The following KIF2A variants were observed in gnomAD, a reference collection of about 807,000 sequenced individuals.
KIF2A encodes the protein kinesin family member 2A.
A neutral mutation model predicts 100.2 loss-of-function variants in KIF2A; 22 were observed. The ratio of observed to expected loss-of-function variants is 0.22; its 90% CI spans 0.16 to 0.31. The LOEUF (loss-of-function observed/expected upper bound fraction) is 0.31, where lower values mean the gene tolerates loss of function less well. KIF2A is among the 10% of genes least tolerant of loss of function. The probability of loss-of-function intolerance (pLI) is 1.00; values close to 1 mark genes in which losing one functional copy is unlikely to be tolerated. For synonymous variants in KIF2A, 268 were observed against 285.9 expected, an observed-to-expected ratio of 0.94 and a Z score of 0.63; for missense variants, 495 against 898.7, an observed-to-expected ratio of 0.55 and a Z score of 5.74.
rs141548628 is a variant in KIF2A, at chr5:62,373,761, T to C, written c.1835T>C (p.Ile612Thr). Reference protein sequence around the residue: ...RPIMHHPPNQIDDLETQWGVG... With the variant: ...RPIMHHPPNQTDDLETQWGVG... The stretch of plus-strand genomic sequence containing the variant: ...ATAATGCACCATCCACCAAACCAGA[T>C]TGATGACTTAGAGACACAGTGGGGT... Residue 612 changes from isoleucine to threonine, a missense_variant, in exon 18 of 21, where the codon ATT becomes ACT. By Grantham distance (89) the Ile-to-Thr change is moderately conservative. Around this residue, in one of 10 missense-constraint regions of KIF2A, gnomAD observed 100 missense variants for 138.2 expected, o/e 0.72. Transcript: ENST00000407818. 2.6e-5 allele frequency: 42 copies of C among 1,613,320 alleles called. No homozygotes were observed. In the Middle Eastern group the frequency reaches 6.6e-4, roughly 25 times the overall value.
chr5:62,310,771 G>A (rs543880559), intron 1 of KIF2A, among the ~76,000 whole-genome samples: 1 of 152,228 alleles, frequency 6.6e-6, no homozygotes, highest in African/African-American at 2.4e-5. Flanking sequence ...TCTTACATGT[G>A]TCTTCCTATT....
At chr5:62,321,712 A>C (rs1195184144) in intron 1 of KIF2A, among the ~76,000 whole-genome samples, 3 of 152,000 alleles carry the variant, frequency 2.0e-5, no homozygotes, top group African/African-American at 7.3e-5. Flanking sequence ...ACAGATGCAC[A>C]CCACATCCGG....
chr5:62,333,520 C>T (rs558511787), intron 1 of KIF2A, among the ~76,000 whole-genome samples: 1 of 152,244 alleles, frequency 6.6e-6, no homozygotes, highest in Non-Finnish European at 1.5e-5. Flanking sequence ...AGTGAGATCA[C>T]GCTGCAGAAG....
chr5:62,389,485 C>CAAAAAAAAAAAAAAAAAAAAAAA lies in KIF2A; in HGVS notation c.*3932_*3933insAAAAAAAAAAAAAAAAAAAAAAA, dbSNP rs775533413. Among the ~76,000 whole-genome samples the CAAAAAAAAAAAAAAAAAAAAAAA allele has an allele frequency of 5.8e-4, 44 of 75,894 alleles. 2 individuals are homozygous for CAAAAAAAAAAAAAAAAAAAAAAA. Among genetic ancestry groups the CAAAAAAAAAAAAAAAAAAAAAAA allele is most frequent in the African/African-American group, 2.3e-3 (40 of 17,532 alleles). The allele number at this position is 75,894 out of a possible 152,430, so 49.8% of individuals were successfully genotyped here. ...TGGGTGACAGAGCAAGACTCTGTCT[C>CAAAAAAAAAAAAAAAAAAAAAAA]AAAAAAAAAAAAAAAAGAAATGTTA... On this transcript the variant is annotated 3_prime_UTR_variant, in exon 21 of 21. Coordinates refer to ENST00000407818, the MANE Select transcript of KIF2A (RefSeq NM_001098511.3).
At chr5:62,369,666 G>A (rs982674599) in intron 16 of KIF2A, among the ~76,000 whole-genome samples, 1 of 132,052 alleles carries the variant, frequency 7.6e-6, no homozygotes, top group Admixed American at 7.7e-5. Flanking sequence ...GTGACCTTAA[G>A]AGTCAGTAAT....
At chr5:62,362,858 G>A (rs189229682) in intron 12 of KIF2A, among the ~76,000 whole-genome samples, 2 of 152,192 alleles carry the variant, frequency 1.3e-5, no homozygotes, top group Admixed American at 1.3e-4. Context: ...ACAGGATCTC[G>A]CTGTGTCACC....
At chr5:62,360,682 GTC>G in intron 9 of KIF2A, among the ~76,000 whole-genome samples, 1 of 150,984 alleles carries the variant, frequency 6.6e-6, no homozygotes, top group Middle Eastern at 3.4e-3. Context: ...ACGAGACTTC[GTC>G]TCAAAAAAAA....
intron 9 of KIF2A, among the ~76,000 whole-genome samples, chr5:62,358,529 C>CAT (rs1323926139): frequency 2.0e-5 from 3 of 152,144 alleles, no homozygotes; most frequent in African/African-American, 2.4e-5. Flanking sequence ...GCTTATTACA[C>CAT]ATATATATAC....
Position 62,306,514 on chromosome 5 carries a change from C to T in KIF2A, c.42C>T (p.Tyr14=). ...TCGGCAAGATCCAGATCGGGATTTA[C>T]GTGGAGATCAAGCGCAGCGATGGTG... The part of the protein sequence containing the change: ...ANFGKIQIGI[Y]VEIKRSDGRI... The change falls in exon 1 of 21, where the codon TAC becomes TAT. Residue 14 remains tyrosine, a synonymous_variant. Transcript: ENST00000407818. 2 of 1,546,082 alleles carry T rather than the reference C, an allele frequency of 1.3e-6. No homozygotes were observed. The highest frequency in any genetic ancestry group is 1.7e-6 in the Non-Finnish European group (2 of 1,144,910).
chr5:62,350,103 CT>C lies in KIF2A; in HGVS notation c.319del (p.Ser107GlnfsTer54). The C allele has an allele frequency of 6.3e-7, 1 of 1,586,554 alleles. No homozygotes were observed. Among genetic ancestry groups the C allele is most frequent in the Non-Finnish European group, 8.6e-7 (1 of 1,165,742 alleles). On this transcript the variant is annotated frameshift_variant, in exon 4 of 21. Transcript: ENST00000407818. LOFTEE classifies it high-confidence loss of function. ...GTAGCTTCTATTAAGAATGACCCTC[CT>C]TCAAGAGATAATAGAGGTAAAGTAA... ...RTVASIKNDP[P>X]SRDNRVVGSA...
chr5:62,373,605 G>A, intron 17 of KIF2A, 82 bp from the exon 18 acceptor site: 1 of 940,396 alleles, frequency 1.1e-6, no homozygotes, highest in South Asian at 1.4e-5. Flanking sequence ...TAACTGAATT[G>A]CGTGTATATT....
chr5:62,320,837 TA>T lies in KIF2A; in HGVS notation c.64+14302del, dbSNP rs1561249644. On this transcript the variant is annotated intron_variant, in intron 1 of 20. Transcript: ENST00000407818. The stretch of plus-strand genomic sequence containing the variant: ...ACAATTCAGTGATTTTTTTTTGGTA[TA>T]TTCATGAAGTTGTACAATTATTACC... 4.6e-5 allele frequency among the ~76,000 whole-genome samples: 7 copies of T among 152,136 alleles called. No homozygotes were observed. The South Asian group carries it at 1.5e-3, about 32-fold the overall frequency.
intron 3 of KIF2A, among the ~76,000 whole-genome samples, 195 bp downstream of exon 3, chr5:62,348,362 G>T (rs1382666305): frequency 6.6e-6 from 1 of 152,104 alleles, no homozygotes; most frequent in Admixed American, 6.6e-5. Flanking sequence ...TATGACCATC[G>T]TTGGATAAGG....
At chr5:62,328,410 T>C in intron 1 of KIF2A, among the ~76,000 whole-genome samples, 1 of 152,200 alleles carries the variant, frequency 6.6e-6, no homozygotes, top group Non-Finnish European at 1.5e-5. Flanking sequence ...ATGTTCTCTT[T>C]ACAAGTGGTT....
Position 62,306,556 on chromosome 5 carries a change from C to T in KIF2A, c.64+20C>T. 1 of 1,539,056 alleles carries T rather than the reference C, an allele frequency of 6.5e-7. No homozygotes were observed. The highest frequency in any genetic ancestry group is 1.2e-5 in the South Asian group (1 of 82,964). Reference sequence around the variant, plus strand: ...GCGATGGTGAGCCGCGCTGCCAGCCCCGCTGGCCCGCTCGGCCCCGTGTTC... The same window carrying T: ...GCGATGGTGAGCCGCGCTGCCAGCCTCGCTGGCCCGCTCGGCCCCGTGTTC... On this transcript the variant is annotated intron_variant, in intron 1 of 20. Coordinates refer to ENST00000407818, the MANE Select transcript of KIF2A (RefSeq NM_001098511.3).
Position 62,306,416 on chromosome 5 carries a change from C to CCG in KIF2A, c.-57_-56insCG. ...CACACCTACCCCGCCCCCTCCCCGCCTTTTCCGCCCTCCGGTCCCCCTCCC... is the reference window on the plus strand; with the variant it reads ...CACACCTACCCCGCCCCCTCCCCGCCCGTTTTCCGCCCTCCGGTCCCCCTCCC... On this transcript the variant is annotated 5_prime_UTR_variant, in exon 1 of 21. Coordinates refer to ENST00000407818, the MANE Select transcript of KIF2A (RefSeq NM_001098511.3). The CCG allele has an allele frequency of 7.3e-7, 1 of 1,366,882 alleles. No homozygotes were observed. The highest frequency in any genetic ancestry group is 1.0e-6 in the Non-Finnish European group (1 of 987,996). The allele number at this position is 1,366,882 out of a possible 1,614,324, so 84.7% of individuals were successfully genotyped here.
chr5:62,382,930 CTTT>C (rs34083254), intron 20 of KIF2A, among the ~76,000 whole-genome samples: 2 of 128,186 alleles, frequency 1.6e-5, no homozygotes, highest in Admixed American at 8.0e-5. Flanking sequence ...CCTGGCTTTG[CTTT>C]TTTTTTTTTT....
At chr5:62,308,800 A>T (rs542266326) in intron 1 of KIF2A, among the ~76,000 whole-genome samples, 2 of 152,324 alleles carry the variant, frequency 1.3e-5, no homozygotes, top group Admixed American at 6.5e-5. Context: ...ATATAGGTCA[A>T]GGATACAAAA....
intron 1 of KIF2A, among the ~76,000 whole-genome samples, chr5:62,324,658 T>C (rs949877996): frequency 6.6e-6 from 1 of 152,174 alleles, no homozygotes; most frequent in Non-Finnish European, 1.5e-5. Context: ...GGTAGCCACA[T>C]GTAGAAGATT....
Sources: allele counts gnomAD v4.1 joint callset (sites outside exome capture counted in the v4.1 genomes callset), GRCh38; gene constraint gnomAD v4.1.1; regional missense constraint gnomAD v4.1.1; transcripts MANE v1.5; gene names NCBI Gene and HGNC (gene_info 2026-07-23, HGNC 2026-07-21).